TMEM131L: variants seen among roughly 807,000 people sequenced by gnomAD.
TMEM131L encodes transmembrane 131 like, also known as transmembrane protein 131-like.
A neutral mutation model predicts 192.2 loss-of-function variants in TMEM131L; 54 were observed. The ratio of observed to expected loss-of-function variants is 0.28; its 90% CI spans 0.23 to 0.35. The LOEUF (loss-of-function observed/expected upper bound fraction) is 0.35. Among genes scored for constraint, TMEM131L ranks in the 10% least tolerant of loss-of-function variants. The pLI, the probability that TMEM131L is intolerant of heterozygous loss-of-function variation, is 1.00. For synonymous variants in TMEM131L, 701 were observed against 704.9 expected, an observed-to-expected ratio of 0.99 and a Z score of 0.09; for missense variants, 1,888 against 1,972.9, an observed-to-expected ratio of 0.96 and a Z score of 0.82.
intron 7 of TMEM131L, among the ~76,000 whole-genome samples, chr4:153,577,286 A>T (rs1426321686): frequency 6.6e-6 from 1 of 152,178 alleles, no homozygotes; most frequent in Non-Finnish European, 1.5e-5. Context: ...CCAAGTGAGA[A>T]GTCTTTGAAG....
chr4:153,573,851 G>C (rs898841078), intron 7 of TMEM131L, among the ~76,000 whole-genome samples: 4 of 152,080 alleles, frequency 2.6e-5, no homozygotes, highest in African/African-American at 9.7e-5. Flanking sequence ...GCTTTAATGT[G>C]GGAAAAATGC....
At chr4:153,535,941 T>A (rs1212154030) in intron 3 of TMEM131L, among the ~76,000 whole-genome samples, 1 of 152,250 alleles carries the variant, frequency 6.6e-6, no homozygotes, top group African/African-American at 2.4e-5. Context: ...TGTTGCTGTT[T>A]ACAATCTTCA....
rs59645336 is a variant in TMEM131L, at chr4:153,476,999, T to C, written c.239+3111T>C. 8.3e-3 allele frequency among the ~76,000 whole-genome samples: 1,261 copies of C among 152,186 alleles called. 17 individuals carry two copies. The highest frequency in any genetic ancestry group is 0.029 in the African/African-American group (1,183 of 41,504). ...ACAACTTAAACATCCTTTTTGGGTG[T>C]GTGGGAGCAAGAAAAATTGAGGAAT... On this transcript the variant is annotated intron_variant, in intron 3 of 34. Transcript: ENST00000409959.
At chr4:153,610,023 A>G (rs1295587569) in intron 25 of TMEM131L, among the ~76,000 whole-genome samples, 1 of 152,178 alleles carries the variant, frequency 6.6e-6, no homozygotes, top group Non-Finnish European at 1.5e-5. Flanking sequence ...TTCAAAGGTG[A>G]TCTGTCCTAA....
intron 3 of TMEM131L, among the ~76,000 whole-genome samples, chr4:153,526,885 G>A (rs538734204): frequency 6.6e-6 from 1 of 152,264 alleles, no homozygotes; most frequent in South Asian, 2.1e-4. Flanking sequence ...GGTAATTAAG[G>A]GTTCACATCA....
chr4:153,570,307 C>T (rs965796413), intron 7 of TMEM131L, among the ~76,000 whole-genome samples: 7 of 152,170 alleles, frequency 4.6e-5, no homozygotes, highest in African/African-American at 7.2e-5. Context: ...CCTAGTACTT[C>T]GATTTACCAA....
chr4:153,545,057 C>T (rs1938125705), intron 3 of TMEM131L, among the ~76,000 whole-genome samples: 1 of 152,154 alleles, frequency 6.6e-6, no homozygotes, highest in Non-Finnish European at 1.5e-5. Context: ...TTACTGGACT[C>T]ATTTTTTAAA....
chr4:153,557,622 A>G (rs894734528), intron 6 of TMEM131L, among the ~76,000 whole-genome samples: 9 of 152,166 alleles, frequency 5.9e-5, no homozygotes, highest in African/African-American at 2.2e-4. Context: ...GGTACCTGAT[A>G]TGGCATTTAA....
At chr4:153,606,083 A>G (rs950689038) in intron 25 of TMEM131L, among the ~76,000 whole-genome samples, 7 of 152,192 alleles carry the variant, frequency 4.6e-5, no homozygotes, top group African/African-American at 1.7e-4. Flanking sequence ...CAGATCTTCA[A>G]ATCAAACCAT....
At chr4:153,523,206 A>T (rs1298806631) in intron 3 of TMEM131L, among the ~76,000 whole-genome samples, 3 of 152,364 alleles carry the variant, frequency 2.0e-5, no homozygotes, top group Non-Finnish European at 4.4e-5. Context: ...TATAATTCCC[A>T]AATGTTATGT....
chr4:153,546,040 G>A (rs1459774248), intron 3 of TMEM131L, among the ~76,000 whole-genome samples: 1 of 151,878 alleles, frequency 6.6e-6, no homozygotes, highest in African/African-American at 2.4e-5. Flanking sequence ...GTGCCACTGA[G>A]CTCGGATAAT....
At position 153,632,749 on chromosome 4, in the gene TMEM131L, T is replaced by G. The variant is rs202012559; in HGVS notation, c.4239T>G (p.Thr1413=). 2.9e-4 allele frequency: 463 copies of G among 1,614,096 alleles called. 7 individuals carry two copies. In the East Asian group the frequency reaches 6.2e-3, roughly 22 times the overall value. The stretch of plus-strand genomic sequence containing the variant: ...ACTCACCTGGAGACCTGTGGCCCAC[T>G]CCGCCAGTGTGTGTGACAAGCAGCT... The part of the protein sequence containing the change: ...GLYSPGDLWP[T]PPVCVTSSLN... The change falls in exon 32 of 35, where the codon ACT becomes ACG. Residue 1413 remains threonine (T), a synonymous_variant. Coordinates refer to ENST00000409959, the MANE Select transcript of TMEM131L (RefSeq NM_001131007.2).
At chr4:153,478,680 C>T (rs1047752730) in intron 3 of TMEM131L, among the ~76,000 whole-genome samples, 5 of 152,114 alleles carry the variant, frequency 3.3e-5, no homozygotes, top group South Asian at 2.1e-4. Context: ...GGAGATTTGT[C>T]GGTTCTCATT....
chr4:153,494,513 G>T (rs139975670), intron 3 of TMEM131L, among the ~76,000 whole-genome samples: 317 of 152,178 alleles, frequency 2.1e-3, no homozygotes, highest in African/African-American at 7.3e-3. Context: ...ATGCCATAAG[G>T]TACATTAAAA....
chr4:153,513,064 A>C (rs966480718), intron 3 of TMEM131L, among the ~76,000 whole-genome samples: 3 of 152,162 alleles, frequency 2.0e-5, no homozygotes, highest in Non-Finnish European at 4.4e-5. Context: ...TTTAGTTATC[A>C]AGGCGTCTAG....
chr4:153,553,046 A>G (rs1212145542), intron 4 of TMEM131L, among the ~76,000 whole-genome samples: 1 of 152,054 alleles, frequency 6.6e-6, no homozygotes, highest in African/African-American at 2.4e-5. Context: ...AGCAATATAC[A>G]TTAATCTCTG....
intron 2 of TMEM131L, among the ~76,000 whole-genome samples, chr4:153,468,727 A>G (rs1730948950): frequency 6.6e-6 from 1 of 152,052 alleles, no homozygotes; most frequent in Non-Finnish European, 1.5e-5. Context: ...AGTGGCACTC[A>G]CTGCTGCTTC....
chr4:153,553,981 T>C (rs775315184), intron 4 of TMEM131L, among the ~76,000 whole-genome samples: 4 of 152,232 alleles, frequency 2.6e-5, no homozygotes, highest in Non-Finnish European at 4.4e-5. Flanking sequence ...GAGAGATTTC[T>C]GGTGGTGCAG....
intron 7 of TMEM131L, among the ~76,000 whole-genome samples, chr4:153,574,677 T>G (rs1729815860): frequency 6.6e-6 from 1 of 152,160 alleles, no homozygotes; most frequent in Non-Finnish European, 1.5e-5. Flanking sequence ...CAGCTCCGCC[T>G]CCCGGGTTCA....
Sources: allele counts gnomAD v4.1 joint callset (sites outside exome capture counted in the v4.1 genomes callset), GRCh38; gene constraint gnomAD v4.1.1; transcripts MANE v1.5; gene names NCBI Gene and HGNC (gene_info 2026-07-23, HGNC 2026-07-21).